CMSS1: variants seen among roughly 807,000 people sequenced by gnomAD.
The protein encoded by CMSS1 is cms1 ribosomal small subunit homolog.
A neutral mutation model predicts 43.5 loss-of-function variants in CMSS1; 33 were observed. The ratio of observed to expected loss-of-function variants is 0.76; its 90% confidence interval spans 0.57 to 1.01. CMSS1 has a LOEUF of 1.01. Among genes scored for constraint, CMSS1 ranks in the 50% least tolerant of loss-of-function variants. CMSS1 has a pLI of 0.00. For missense variants in CMSS1, 313 were observed against 326.4 expected, an observed-to-expected ratio of 0.96 and a Z score of 0.32; for synonymous variants, 115 against 117.2, an observed-to-expected ratio of 0.98 and a Z score of 0.12.
At chr3:99,870,568 A>G (rs1944737761) in intron 1 of CMSS1, among the ~76,000 whole-genome samples, 1 of 152,176 alleles carries the variant, frequency 6.6e-6, no homozygotes, top group South Asian at 2.1e-4. Context: ...GCTAGTAGCT[A>G]TAGCTGGGTT....
intron 1 of CMSS1, among the ~76,000 whole-genome samples, chr3:99,951,995 A>G (rs1708189742): frequency 6.6e-6 from 1 of 152,054 alleles, no homozygotes; most frequent in Non-Finnish European, 1.5e-5. Context: ...CTGCCCCCAC[A>G]CCCTTAGTTG....
intron 2 of CMSS1, among the ~76,000 whole-genome samples, chr3:100,148,796 G>A (rs2066876904): frequency 6.6e-6 from 1 of 151,832 alleles, no homozygotes; most frequent in African/African-American, 2.4e-5. Flanking sequence ...TTTTCTTCCT[G>A]GGAAGGGACA....
chr3:100,004,417 CTG>C (rs776312885), intron 1 of CMSS1, among the ~76,000 whole-genome samples: 1 of 152,086 alleles, frequency 6.6e-6, no homozygotes, highest in Non-Finnish European at 1.5e-5. Context: ...CATAAGAGAA[CTG>C]TGTTACCACT....
chr3:100,150,997 A>C (rs985264292), intron 2 of CMSS1, among the ~76,000 whole-genome samples: 2 of 151,970 alleles, frequency 1.3e-5, no homozygotes, highest in African/African-American at 2.4e-5. Flanking sequence ...GCCTTTGTTT[A>C]TCTCCTTTAA....
chr3:99,892,360 G>C (rs1706109076), intron 1 of CMSS1, among the ~76,000 whole-genome samples: 2 of 152,166 alleles, frequency 1.3e-5, no homozygotes, highest in African/African-American at 4.8e-5. Context: ...GCTTCTCCAA[G>C]TGGTCTAGAA....
At chr3:99,889,753 CACAAGTT>C (rs1706025506) in intron 1 of CMSS1, among the ~76,000 whole-genome samples, 1 of 151,970 alleles carries the variant, frequency 6.6e-6, no homozygotes, top group Non-Finnish European at 1.5e-5. Context: ...AATTCCATCT[CACAAGTT>C]AAATTCTCAA....
chr3:99,887,450 A>G (rs892136236), intron 1 of CMSS1, among the ~76,000 whole-genome samples: 5 of 152,160 alleles, frequency 3.3e-5, no homozygotes, highest in African/African-American at 1.2e-4. Context: ...TCTGCAGGCA[A>G]TTGTGCATGT....
At chr3:100,007,938 T>A (rs1237368674) in intron 1 of CMSS1, among the ~76,000 whole-genome samples, 2 of 152,132 alleles carry the variant, frequency 1.3e-5, no homozygotes, top group Non-Finnish European at 2.9e-5. Flanking sequence ...TTAAAATAGT[T>A]AACTCCTAAT....
chr3:99,979,035 G>A (rs992362979), intron 1 of CMSS1, among the ~76,000 whole-genome samples: 1 of 152,114 alleles, frequency 6.6e-6, no homozygotes, highest in Admixed American at 6.5e-5. Context: ...ACTGTAGGGC[G>A]ACTAGAGGGT....
intron 1 of CMSS1, among the ~76,000 whole-genome samples, chr3:100,016,341 C>A (rs754645777): frequency 2.6e-5 from 4 of 152,140 alleles, no homozygotes; most frequent in African/African-American, 7.2e-5. Context: ...TACAGGCATG[C>A]GCACCACACA....
intron 1 of CMSS1, among the ~76,000 whole-genome samples, chr3:99,900,555 C>A (rs1706402111): frequency 6.6e-6 from 1 of 152,136 alleles, no homozygotes; most frequent in South Asian, 2.1e-4. Context: ...AAATGCCATA[C>A]CTTTAGCCCT....
intron 1 of CMSS1, among the ~76,000 whole-genome samples, chr3:100,065,380 G>A (rs902888402): frequency 1.3e-5 from 2 of 152,186 alleles, no homozygotes; most frequent in Admixed American, 1.3e-4. Flanking sequence ...AGGTAAGGAA[G>A]TGGAGAGTCA....
intron 1 of CMSS1, among the ~76,000 whole-genome samples, chr3:100,048,714 G>A (rs1302839216): frequency 6.6e-6 from 1 of 152,090 alleles, no homozygotes; most frequent in Non-Finnish European, 1.5e-5. Context: ...AGTCCAGGTG[G>A]GTTTTATGTT....
chr3:99,836,065 G>T (rs548308751), intron 1 of CMSS1, among the ~76,000 whole-genome samples: 5 of 152,272 alleles, frequency 3.3e-5, no homozygotes, highest in Non-Finnish European at 5.9e-5. Context: ...TGGACTTTGG[G>T]CACTAAGCAA....
chr3:99,986,206 T>G (rs1358550536), intron 1 of CMSS1, among the ~76,000 whole-genome samples: 1 of 152,228 alleles, frequency 6.6e-6, no homozygotes, highest in Non-Finnish European at 1.5e-5. Flanking sequence ...TAAAGATAGC[T>G]TACATCAATA....
intron 1 of CMSS1, chr3:99,850,720 T>G: frequency 4.3e-6 from 7 of 1,614,238 alleles, no homozygotes; most frequent in East Asian, 4.5e-5. Context: ...CTGGCGATTT[T>G]GACTGTCCTC....
In CMSS1 at chr3:99,938,091, G is replaced by GCA. The variant is rs1491105137; in HGVS notation, c.64+120048_64+120049insCA. 4.1e-3 allele frequency among the ~76,000 whole-genome samples: 609 copies of GCA among 150,310 alleles called. 6 individuals carry two copies. Among genetic ancestry groups the GCA allele is most frequent in the African/African-American group, 0.014 (596 of 41,118 alleles). ...TGTGTGTGTGCGCGCGCGCGCGCGC[G>GCA]TGCATGCACACTCGTGCTGGGTGGG... On this transcript the variant is annotated intron_variant, in intron 1 of 9. Transcript: ENST00000421999.
intron 1 of CMSS1, among the ~76,000 whole-genome samples, chr3:100,005,742 G>A (rs951389656): frequency 2.0e-5 from 3 of 152,178 alleles, no homozygotes; most frequent in African/African-American, 7.2e-5. Context: ...AACACACTTG[G>A]TTATGAGGAA....
intron 1 of CMSS1, among the ~76,000 whole-genome samples, chr3:100,028,830 A>C (rs989818354): frequency 1.3e-5 from 2 of 152,076 alleles, no homozygotes; most frequent in Non-Finnish European, 2.9e-5. Flanking sequence ...TAGACTCCAA[A>C]CTCATTACTG....
Sources: allele counts gnomAD v4.1 joint callset (sites outside exome capture counted in the v4.1 genomes callset), GRCh38; gene constraint gnomAD v4.1.1; transcripts MANE v1.5; gene names NCBI Gene and HGNC (gene_info 2026-07-23, HGNC 2026-07-21).